Variants in CELF4 observed in about 807,000 individuals in gnomAD.
CELF4 encodes the protein CUGBP Elav-like family member 4, also known as CUG-BP- and ETR-3-like factor 4.
Under a neutral mutation model 59.9 loss-of-function variants are expected in CELF4, and 18 were observed. That is an observed-to-expected ratio of 0.30 (90% CI 0.21 to 0.45). CELF4 has a LOEUF of 0.45. Ranked by LOEUF, CELF4 falls within the 20% of genes least tolerant of loss-of-function variation. CELF4 has a pLI of 1.00. For missense variants in CELF4, 456 were observed against 689.0 expected, an observed-to-expected ratio of 0.66 and a Z score of 3.79; for synonymous variants, 261 against 267.1, an observed-to-expected ratio of 0.98 and a Z score of 0.22.
chr18:37,265,234 C>T (rs887379104), intron 9 of CELF4, among the ~76,000 whole-genome samples: 7 of 151,920 alleles, frequency 4.6e-5, no homozygotes, highest in South Asian at 2.1e-4. Context: ...TGTGCGCGCA[C>T]GTGCACTTGT....
At chr18:37,483,127 G>A (rs1328796186) in intron 2 of CELF4, among the ~76,000 whole-genome samples, 1 of 152,186 alleles carries the variant, frequency 6.6e-6, no homozygotes, top group Non-Finnish European at 1.5e-5. Flanking sequence ...TTGGGTGAGA[G>A]CATTTGGCTT....
intron 1 of CELF4, among the ~76,000 whole-genome samples, chr18:37,504,445 C>A (rs1417936622): frequency 5.7e-5 from 8 of 141,514 alleles, no homozygotes; most frequent in African/African-American, 1.9e-4. Context: ...CAGAGTGAGA[C>A]TCCATCTCAA....
chr18:37,403,279 T>TCAGG (rs1036464661), intron 2 of CELF4, among the ~76,000 whole-genome samples: 2 of 152,122 alleles, frequency 1.3e-5, no homozygotes, highest in African/African-American at 4.8e-5. Context: ...TAAGCATCTG[T>TCAGG]CAGGCCACTG....
At chr18:37,354,448 G>A (rs1430993171) in intron 2 of CELF4, among the ~76,000 whole-genome samples, 1 of 152,166 alleles carries the variant, frequency 6.6e-6, no homozygotes, top group Non-Finnish European at 1.5e-5. Context: ...TGGGAGAACT[G>A]AGAGCCACCT....
chr18:37,349,183 C>T (rs536118840), intron 2 of CELF4, among the ~76,000 whole-genome samples: 6 of 152,324 alleles, frequency 3.9e-5, no homozygotes, highest in African/African-American at 1.4e-4. Context: ...TCAGAGATAG[C>T]GCAGGCGGTT....
intron 1 of CELF4, among the ~76,000 whole-genome samples, chr18:37,501,689 G>A (rs1188936022): frequency 6.6e-6 from 1 of 152,232 alleles, no homozygotes; most frequent in Non-Finnish European, 1.5e-5. Context: ...TGGAGGCTGG[G>A]CAGGCTGCCT....
chr18:37,366,539 C>A (rs1274621280), intron 2 of CELF4, among the ~76,000 whole-genome samples: 1 of 152,196 alleles, frequency 6.6e-6, no homozygotes, highest in Admixed American at 6.5e-5. Flanking sequence ...TCCCCACACT[C>A]CGGTTTGGGG....
intron 1 of CELF4, among the ~76,000 whole-genome samples, chr18:37,497,957 T>C (rs965540659): frequency 9.2e-5 from 14 of 152,300 alleles, no homozygotes; most frequent in Admixed American, 2.6e-4. Flanking sequence ...AGGTCCCTGA[T>C]AGAGCCAGTG....
rs148142426 is a variant in CELF4 at position 37,455,906 on chromosome 18, G to T, written c.369+29619C>A. On this transcript the variant is annotated intron_variant, in intron 2 of 12. Transcript: ENST00000420428. ...AATCTCGCAACCTCCTTCCTTTGGA[G>T]CCTGTCTGCACCCCCAGACGGGAAG... is the stretch of plus-strand genomic sequence containing the variant. Among the ~76,000 whole-genome samples, 44 of 152,304 alleles carry T rather than the reference G, an allele frequency of 2.9e-4. No individual in the cohort carries two copies. The East Asian group carries it at 7.5e-3, about 26-fold the overall frequency.
At chr18:37,512,134 G>T (rs894497435) in intron 1 of CELF4, among the ~76,000 whole-genome samples, 25 of 152,312 alleles carry the variant, frequency 1.6e-4, no homozygotes, top group East Asian at 1.5e-3. Flanking sequence ...AGGGACAGTT[G>T]GGGGGCAGGG....
intron 2 of CELF4, among the ~76,000 whole-genome samples, chr18:37,365,032 T>C (rs1440954426): frequency 2.0e-5 from 3 of 152,080 alleles, no homozygotes; most frequent in Non-Finnish European, 1.5e-5. Flanking sequence ...TTTGGGAAGA[T>C]AGCAATGATG....
At chr18:37,555,657 T>A (rs531578826) in intron 1 of CELF4, among the ~76,000 whole-genome samples, 8 of 152,234 alleles carry the variant, frequency 5.3e-5, no homozygotes, top group Admixed American at 5.2e-4. Context: ...TTGATATTAT[T>A]AATAATGGAT....
At chr18:37,491,165 G>A (rs1001178628) in intron 1 of CELF4, among the ~76,000 whole-genome samples, 1 of 136,874 alleles carries the variant, frequency 7.3e-6, no homozygotes, top group African/African-American at 2.6e-5. Flanking sequence ...CTCCTCACCC[G>A]AGAGGGATGC....
chr18:37,318,409 C>G (rs1183281103), intron 3 of CELF4, among the ~76,000 whole-genome samples: 1 of 151,960 alleles, frequency 6.6e-6, no homozygotes, highest in South Asian at 2.1e-4. Context: ...CTCCATTCCC[C>G]TCTCCTGTTG....
intron 2 of CELF4, among the ~76,000 whole-genome samples, chr18:37,477,033 G>A (rs908626896): frequency 1.3e-5 from 2 of 152,258 alleles, no homozygotes; most frequent in African/African-American, 4.8e-5. Context: ...GCATAGAGGT[G>A]ATATGGCTGG....
At chr18:37,305,680 C>T (rs1044643640) in intron 3 of CELF4, 2 of 152,260 alleles carry the variant, frequency 1.3e-5, no homozygotes, top group African/African-American at 4.8e-5. Flanking sequence ...GTAACCCCAG[C>T]AAGTGAGCTC....
Position 37,321,876 on chromosome 18 carries a change from G to A in CELF4, c.375C>T (p.Asn125=). The change falls in exon 3 of 13, where the codon AAC becomes AAT. Residue 125 remains asparagine (N), a synonymous_variant. Coordinates refer to ENST00000420428, the MANE Select transcript of CELF4 (RefSeq NM_020180.4). ...LHEQKTLPGM[N]RPIQVKPADS... ...CCGCAGGCTTCACCTGGATCGGCCG[G>A]TTCATCTGCAACAGAGCAGAGGGGG... is the stretch of plus-strand genomic sequence containing the variant. 1 of 1,613,042 alleles carries A rather than the reference G, an allele frequency of 6.2e-7. No individual in the cohort carries two copies. The highest frequency in any genetic ancestry group is 8.5e-7 in the Non-Finnish European group (1 of 1,179,412).
At chr18:37,380,212 G>T (rs2099020545) in intron 2 of CELF4, among the ~76,000 whole-genome samples, 1 of 152,134 alleles carries the variant, frequency 6.6e-6, no homozygotes. Context: ...TGGACCAGCT[G>T]CCATCCCTCC....
At chr18:37,482,163 G>T (rs536524878) in intron 2 of CELF4, among the ~76,000 whole-genome samples, 1 of 152,198 alleles carries the variant, frequency 6.6e-6, no homozygotes, top group Non-Finnish European at 1.5e-5. Flanking sequence ...AAGCGGGGAG[G>T]TGGATGTGTT....
Sources: allele counts gnomAD v4.1 joint callset (sites outside exome capture counted in the v4.1 genomes callset), GRCh38; gene constraint gnomAD v4.1.1; transcripts MANE v1.5; gene names NCBI Gene and HGNC (gene_info 2026-07-23, HGNC 2026-07-21).